Variants in BBS9 observed in about 807,000 individuals in gnomAD.
BBS9 encodes the protein protein PTHB1.
In BBS9, 89 loss-of-function variants were observed where a neutral mutation model predicts 117.7. The ratio of observed to expected loss-of-function variants is 0.76; its 90% CI spans 0.64 to 0.90. BBS9 has a LOEUF of 0.90. Ranked by LOEUF, BBS9 falls within the 40% of genes least tolerant of loss-of-function variation. The probability of loss-of-function intolerance (pLI) is 0.00; values close to 1 mark genes in which losing one functional copy is unlikely to be tolerated. For missense variants in BBS9, 982 were observed against 1,042.2 expected (o/e 0.94, Z 0.80); for synonymous variants, 379 against 370.9 (o/e 1.02, Z -0.25).
intron 21 of BBS9, among the ~76,000 whole-genome samples, chr7:33,576,573 A>C (rs1227932630): frequency 6.6e-6 from 1 of 152,160 alleles, no homozygotes; most frequent in Non-Finnish European, 1.5e-5. Context: ...GTTCATATGG[A>C]ACCAAAAAAG....
rs11384028 is a variant in BBS9 at position 33,439,533 on chromosome 7, C to CTTTT, written c.2115+51400_2115+51403dup. Among the ~76,000 whole-genome samples the CTTTT allele has an allele frequency of 4.3e-4, 56 of 131,384 alleles. 2 individuals carry two copies. The highest frequency in any genetic ancestry group is 2.6e-3 in the East Asian group (12 of 4,538). 86.2% of individuals were successfully genotyped at this position (131,384 alleles called of 152,430 possible). A position where few individuals can be genotyped will look rare whatever the true frequency, so the allele number is the denominator to read the frequency against. On this transcript the variant is annotated intron_variant, in intron 19 of 22. Transcript: ENST00000242067. ...TTCCACTTTTTCTCTTTTTTATCAC[C>CTTTT]TTTTTTTTTTTTTTGGGATGGAGCC...
intron 9 of BBS9, among the ~76,000 whole-genome samples, chr7:33,305,849 C>G (rs899661717): frequency 6.6e-6 from 1 of 151,938 alleles, no homozygotes; most frequent in Non-Finnish European, 1.5e-5. Flanking sequence ...TTCAAAAAAA[C>G]CAGCTTTTCA....
At chr7:33,546,025 C>T (rs1853298955) in intron 21 of BBS9, among the ~76,000 whole-genome samples, 1 of 148,418 alleles carries the variant, frequency 6.7e-6, no homozygotes, top group African/African-American at 2.5e-5. Flanking sequence ...GCTCCGCCTC[C>T]CAGGTTCATG....
chr7:33,625,740 T>C (rs911615913), intron 21 of BBS9, among the ~76,000 whole-genome samples: 12 of 152,238 alleles, frequency 7.9e-5, no homozygotes, highest in African/African-American at 2.9e-4. Flanking sequence ...TGGGTAATGC[T>C]GATATTTTTC....
At chr7:33,180,621 C>T (rs1351154239) in intron 5 of BBS9, among the ~76,000 whole-genome samples, 1 of 152,180 alleles carries the variant, frequency 6.6e-6, no homozygotes, top group Non-Finnish European at 1.5e-5. Flanking sequence ...TCTCAAAGTG[C>T]TAGGATTACA....
chr7:33,211,595 A>T (rs1196162254), intron 5 of BBS9, among the ~76,000 whole-genome samples: 1 of 152,100 alleles, frequency 6.6e-6, no homozygotes, highest in African/African-American at 2.4e-5. Flanking sequence ...TGATTGGTTC[A>T]TCATTTAGTC....
At chr7:33,521,213 G>A (rs7802391) in intron 20 of BBS9, among the ~76,000 whole-genome samples, 1 of 152,186 alleles carries the variant, frequency 6.6e-6, no homozygotes, top group Admixed American at 6.5e-5. Context: ...TGGAATGGGA[G>A]TACAGGTCAA....
intron 6 of BBS9, among the ~76,000 whole-genome samples, chr7:33,260,933 A>C (rs1797886249): frequency 1.3e-5 from 2 of 152,226 alleles, no homozygotes; most frequent in Admixed American, 6.5e-5. Context: ...ATCAGCCTTA[A>C]ATAAATATTT....
intron 9 of BBS9, among the ~76,000 whole-genome samples, chr7:33,305,718 A>C (rs1270070387): frequency 6.6e-6 from 1 of 151,960 alleles, no homozygotes; most frequent in Non-Finnish European, 1.5e-5. Context: ...ACCTCTAATT[A>C]TCCTTTTAAT....
chr7:33,353,204 TA>T (rs1818991675), intron 15 of BBS9, among the ~76,000 whole-genome samples: 1 of 152,194 alleles, frequency 6.6e-6, no homozygotes, highest in Non-Finnish European at 1.5e-5. Flanking sequence ...TTATTTTACC[TA>T]AAAGAAAGAA....
At chr7:33,492,210 AAAAC>A (rs1204415950) in intron 19 of BBS9, among the ~76,000 whole-genome samples, 5 of 145,438 alleles carry the variant, frequency 3.4e-5, no homozygotes, top group African/African-American at 1.1e-4. Context: ...CTCGAAAAAA[AAAAC>A]AAAAAAAAAA....
At chr7:33,232,276 AT>A (rs1293095387) in intron 5 of BBS9, among the ~76,000 whole-genome samples, 1 of 152,172 alleles carries the variant, frequency 6.6e-6, no homozygotes, top group African/African-American at 2.4e-5. Context: ...CATTTTAAAA[AT>A]TATACAGGTA....
At chr7:33,287,184 G>A (rs931409022) in intron 9 of BBS9, among the ~76,000 whole-genome samples, 1 of 152,048 alleles carries the variant, frequency 6.6e-6, no homozygotes, top group Non-Finnish European at 1.5e-5. Flanking sequence ...AGAATCAAAA[G>A]GAAATGCAAG....
At chr7:33,419,910 A>G (rs1832600988) in intron 19 of BBS9, among the ~76,000 whole-genome samples, 1 of 152,142 alleles carries the variant, frequency 6.6e-6, no homozygotes, top group Admixed American at 6.5e-5. Context: ...AGAAAACAAA[A>G]AATTGGTGGT....
intron 9 of BBS9, among the ~76,000 whole-genome samples, chr7:33,335,798 A>G (rs1174571130): frequency 6.6e-6 from 1 of 152,198 alleles, no homozygotes; most frequent in Non-Finnish European, 1.5e-5. Context: ...GTGAAGAGAA[A>G]GAGAGAACAA....
intron 19 of BBS9, among the ~76,000 whole-genome samples, chr7:33,497,149 T>C (rs1188651153): frequency 6.6e-6 from 1 of 152,114 alleles, no homozygotes; most frequent in Non-Finnish European, 1.5e-5. Context: ...AGCTGTCTGT[T>C]TGGTGTTTAG....
chr7:33,470,589 A>T (rs1002242558), intron 19 of BBS9, among the ~76,000 whole-genome samples: 1 of 152,118 alleles, frequency 6.6e-6, no homozygotes, highest in Non-Finnish European at 1.5e-5. Flanking sequence ...TGAATTCTCT[A>T]TTTTCAAAGC....
rs201655079 is a variant in BBS9 at position 33,368,577 on chromosome 7, TACACACACACACAC to T, written c.1789+742_1789+755del. ...ACGAATCTGTATTGAGAGAAAAAAGTACACACACACACACACACACACACACACACACACACACA... is the reference window on the plus strand; with the variant it reads ...ACGAATCTGTATTGAGAGAAAAAAGTACACACACACACACACACACACACA... On this transcript the variant is annotated intron_variant, in intron 17 of 22. Coordinates refer to ENST00000242067, the MANE Select transcript of BBS9 (RefSeq NM_198428.3). 7.0e-5 allele frequency among the ~76,000 whole-genome samples: 9 copies of T among 128,474 alleles called. No individual in the cohort carries two copies. In the South Asian group the frequency reaches 7.6e-4, roughly 11 times the overall value. The allele number at this position is 128,474 out of a possible 152,430, so 84.3% of individuals were successfully genotyped here. A position where few individuals can be genotyped will look rare whatever the true frequency, so the allele number is the denominator to read the frequency against.
At chr7:33,203,532 A>G (rs1562790505) in intron 5 of BBS9, among the ~76,000 whole-genome samples, 1 of 152,108 alleles carries the variant, frequency 6.6e-6, no homozygotes, top group African/African-American at 2.4e-5. Flanking sequence ...CCAGAAATTC[A>G]GATTTGAGAA....
Sources: gnomAD v4.1 joint callset for allele counts (sites outside exome capture counted in the v4.1 genomes callset) on GRCh38, gnomAD v4.1.1 for gene constraint, MANE v1.5 for transcripts, NCBI Gene and HGNC (gene_info 2026-07-23, HGNC 2026-07-21) for gene names.